Variants in XRN1 observed in about 807,000 individuals in gnomAD.
The protein encoded by XRN1 is strand-exchange protein 1 homolog.
XRN1 carries 67 observed loss-of-function variants against 222.3 expected under a neutral mutation model. The observed-to-expected ratio is 0.30, with a 90% CI of 0.25 to 0.37. The LOEUF is 0.37. XRN1 is among the 10% of genes least tolerant of loss of function. The pLI is 1.00. For synonymous variants in XRN1, 643 were observed against 652.4 expected (o/e 0.99, Z 0.22); for missense variants, 1,707 against 2,000.2 (o/e 0.85, Z 2.80).
intron 20 of XRN1, among the ~76,000 whole-genome samples, chr3:142,393,141 T>G (rs1215799986): frequency 5.4e-5 from 8 of 147,886 alleles, no homozygotes; most frequent in African/African-American, 2.0e-4. Flanking sequence ...AAGTGTCTGT[T>G]CATGTCCTTC....
rs572232932 is a variant in XRN1 at position 142,384,446 on chromosome 3, CAT to C, written c.2502+75_2502+76del. The C allele has an allele frequency of 3.0e-4, 347 of 1,155,938 alleles. 9 individuals are homozygous for C. The South Asian group carries it at 5.6e-3, about 19-fold the overall frequency. 71.6% of individuals were successfully genotyped at this position (1,155,938 alleles called of 1,614,324 possible). A position where few individuals can be genotyped will look rare whatever the true frequency, so the allele number is the denominator to read the frequency against. Reference sequence around the variant, plus strand: ...TGCTGAATTAGTCTATTTATATTAACATATCTTTTCATTATACAGTGAATAGT... The same window carrying C: ...TGCTGAATTAGTCTATTTATATTAACATCTTTTCATTATACAGTGAATAGT... On this transcript the variant is annotated intron_variant, in intron 21 of 40. Coordinates refer to ENST00000392981, the MANE Select transcript of XRN1 (RefSeq NM_001282857.2).
chr3:142,341,089 C>G (rs1162578710), intron 33 of XRN1, among the ~76,000 whole-genome samples: 1 of 152,072 alleles, frequency 6.6e-6, no homozygotes. Flanking sequence ...ACTATGACAA[C>G]TTTTCAAGGC....
intron 2 of XRN1, among the ~76,000 whole-genome samples, chr3:142,431,464 T>C (rs920606137): frequency 2.0e-5 from 3 of 152,002 alleles, no homozygotes; most frequent in Admixed American, 6.6e-5. Flanking sequence ...GCAGATCACT[T>C]GAGGTCAGGA....
chr3:142,435,762 C>CAAA (rs1176485060), intron 1 of XRN1, among the ~76,000 whole-genome samples: 2,701 of 58,390 alleles, frequency 0.046, 164 homozygotes, highest in African/African-American at 0.18. Context: ...CCCCACCCCC[C>CAAA]AAAAAAAAAA....
chr3:142,334,360 T>A (rs2065787347), intron 34 of XRN1, among the ~76,000 whole-genome samples: 1 of 151,908 alleles, frequency 6.6e-6, no homozygotes, highest in African/African-American at 2.4e-5. Flanking sequence ...ATTTAATATA[T>A]TACTATAAGA....
chr3:142,354,835 T>A (rs987585966), intron 32 of XRN1, among the ~76,000 whole-genome samples: 1 of 152,078 alleles, frequency 6.6e-6, no homozygotes, highest in African/African-American at 2.4e-5. Context: ...CCGGCCAGAT[T>A]TTTAAAAATG....
intron 20 of XRN1, among the ~76,000 whole-genome samples, chr3:142,389,086 T>C (rs953946410): frequency 6.6e-6 from 1 of 152,180 alleles, no homozygotes; most frequent in Non-Finnish European, 1.5e-5. Flanking sequence ...TGGTGGCGCT[T>C]GCCTGAATCC....
chr3:142,362,344 G>A (rs966273242), intron 29 of XRN1, among the ~76,000 whole-genome samples: 4 of 152,058 alleles, frequency 2.6e-5, no homozygotes, highest in Non-Finnish European at 5.9e-5. Flanking sequence ...CACCATATTG[G>A]CCAGGCTAAT....
chr3:142,377,596 T>C (rs764874580), intron 23 of XRN1, among the ~76,000 whole-genome samples: 3 of 152,206 alleles, frequency 2.0e-5, no homozygotes, highest in Non-Finnish European at 2.9e-5. Context: ...ATAACTGTCC[T>C]GCCCAAATTG....
chr3:142,364,981 G>A lies in XRN1; in HGVS notation c.3394+66C>T, dbSNP rs2066770551. 4 of 1,494,292 alleles carry A rather than the reference G, an allele frequency of 2.7e-6. No homozygotes were observed. In the South Asian group the frequency reaches 5.4e-5, roughly 20 times the overall value. The allele number at this position is 1,494,292 out of a possible 1,614,324, so 92.6% of individuals were successfully genotyped here. A position where few individuals can be genotyped will look rare whatever the true frequency, so the allele number is the denominator to read the frequency against. ...ACTTTCTGGTTAGATATAAAAAACA[G>A]ACAAGCCTGTTTATTACTTTACAAT... is the stretch of plus-strand genomic sequence containing the variant. On this transcript the variant is annotated intron_variant, in intron 29 of 40. Coordinates refer to ENST00000392981, the MANE Select transcript of XRN1 (RefSeq NM_001282857.2).
At chr3:142,322,468 C>T (rs1315397640) in intron 37 of XRN1, among the ~76,000 whole-genome samples, 4 of 152,104 alleles carry the variant, frequency 2.6e-5, no homozygotes, top group Non-Finnish European at 2.9e-5. Flanking sequence ...AGGCAGATCA[C>T]CTGAGGTCAG....
chr3:142,435,000 A>G (rs753668802), intron 1 of XRN1: 1 of 152,228 alleles, frequency 6.6e-6, no homozygotes, highest in Non-Finnish European at 1.5e-5. Flanking sequence ...TAAATGGTAG[A>G]GTTATCTAAA....
chr3:142,362,457 G>C (rs1055957760), intron 29 of XRN1, among the ~76,000 whole-genome samples: 8 of 151,748 alleles, frequency 5.3e-5, no homozygotes, highest in Non-Finnish European at 7.4e-5. Flanking sequence ...ATTTTTAGTA[G>C]AGACGGGATT....
intron 32 of XRN1, among the ~76,000 whole-genome samples, chr3:142,354,591 T>G (rs1397202948): frequency 1.3e-5 from 2 of 152,224 alleles, no homozygotes; most frequent in African/African-American, 2.4e-5. Flanking sequence ...TGAATCTTAC[T>G]CTGTCGCCCA....
rs192280750 is a variant in XRN1 at position 142,415,808 on chromosome 3, C to T, written c.1436+1332G>A. Among the ~76,000 whole-genome samples the T allele has an allele frequency of 1.0e-3, 158 of 152,312 alleles. 1 individual carries two copies. The highest frequency in any genetic ancestry group is 3.6e-3 in the African/African-American group (149 of 41,576). The stretch of plus-strand genomic sequence containing the variant: ...CACAGGTGCTTTGAACAAAACCAAA[C>T]CAAACAGAGTTGTGTTATCATCTAA... On this transcript the variant is annotated intron_variant, in intron 13 of 40. Transcript: ENST00000392981.
intron 5 of XRN1, among the ~76,000 whole-genome samples, chr3:142,424,241 T>C (rs1039109822): frequency 2.6e-5 from 4 of 152,102 alleles, no homozygotes; most frequent in African/African-American, 9.7e-5. Context: ...ATTACAGGTA[T>C]CTGCCTCTAT....
chr3:142,440,584 C>T (rs1292010270), intron 1 of XRN1, among the ~76,000 whole-genome samples: 1 of 152,068 alleles, frequency 6.6e-6, no homozygotes, highest in African/African-American at 2.4e-5. Flanking sequence ...GACCTAAAAG[C>T]CCAAGGCCTA....
intron 39 of XRN1, chr3:142,313,109 C>A: frequency 6.3e-7 from 1 of 1,595,746 alleles, no homozygotes; most frequent in Non-Finnish European, 8.5e-7. Context: ...AGCTTGGGCA[C>A]AAATAGAGAA....
Position 142,432,711 on chromosome 3 carries a change from A to G in XRN1, c.258T>C (p.Asp86=). 1 of 1,612,854 alleles carries G rather than the reference A, an allele frequency of 6.2e-7. No individual in the cohort carries two copies. The highest frequency in any genetic ancestry group is 8.5e-7 in the Non-Finnish European group (1 of 1,179,398). The change falls in exon 2 of 41, where the codon GAT becomes GAC. Residue 86 remains aspartate, a synonymous_variant. Transcript: ENST00000392981. ...TCATTTTTGCTCGAGGAGCCACACC[A>G]TCTACAGCCATAAAGAACACTTTCC... The part of the protein sequence containing the change: ...KPRKVFFMAV[D]GVAPRAKMNQ...
Sources: allele counts gnomAD v4.1 joint callset (sites outside exome capture counted in the v4.1 genomes callset), GRCh38; gene constraint gnomAD v4.1.1; transcripts MANE v1.5; gene names NCBI Gene and HGNC (gene_info 2026-07-23, HGNC 2026-07-21).